APELA: variants seen among roughly 807,000 people sequenced by gnomAD.
The protein encoded by APELA is protein Elabela.
rs1730996357 is a variant in APELA, at chr4:164,897,288, G to T, written c.*1874G>T. 1 of 152,168 alleles carries T rather than the reference G, an allele frequency of 6.6e-6. No homozygotes were observed. Among genetic ancestry groups the T allele is most frequent in the African/African-American group, 2.4e-5 (1 of 41,444 alleles). 9.4% of individuals were successfully genotyped at this position (152,168 alleles called of 1,614,324 possible). A position where few individuals can be genotyped will look rare whatever the true frequency, so the allele number is the denominator to read the frequency against. On this transcript the variant is annotated 3_prime_UTR_variant, in exon 3 of 3. Coordinates refer to ENST00000507152, the MANE Select transcript of APELA (RefSeq NM_001297550.2). ...TGGTACTTTCCACAAGTGCATTTGA[G>T]TAGAAGCATAACCTATTCTCAGTTA...
chr4:164,890,088 A>T (rs1730851548), intron 2 of APELA, among the ~76,000 whole-genome samples: 2 of 152,138 alleles, frequency 1.3e-5, no homozygotes, highest in African/African-American at 4.8e-5. Flanking sequence ...TCTTGACTTT[A>T]TTGATCAATA....
At chr4:164,880,595 C>T (rs1308224676) in intron 2 of APELA, among the ~76,000 whole-genome samples, 2 of 152,172 alleles carry the variant, frequency 1.3e-5, no homozygotes. Context: ...GGAATAGAGA[C>T]ACCCCAGATT....
chr4:164,897,117 ATAT>A lies in APELA; in HGVS notation c.*1707_*1709del, dbSNP rs1241266337. 6.6e-6 allele frequency: 1 copy of A among 152,216 alleles called. No homozygotes were observed. Among genetic ancestry groups the A allele is most frequent in the African/African-American group, 2.4e-5 (1 of 41,456 alleles). The allele number at this position is 152,216 out of a possible 1,614,324, so 9.4% of individuals were successfully genotyped here. On this transcript the variant is annotated 3_prime_UTR_variant, in exon 3 of 3. Coordinates refer to ENST00000507152, the MANE Select transcript of APELA (RefSeq NM_001297550.2). Reference sequence around the variant, plus strand: ...CTGGAGTAGAAGTTTTACTTTGTAAATATTATAAAGTAGAAGAAACCATAAACC... The same window carrying A: ...CTGGAGTAGAAGTTTTACTTTGTAAATATAAAGTAGAAGAAACCATAAACC...
chr4:164,890,836 G>A (rs1730868504), intron 2 of APELA, among the ~76,000 whole-genome samples: 1 of 152,150 alleles, frequency 6.6e-6, no homozygotes, highest in Non-Finnish European at 1.5e-5. Flanking sequence ...CACAGTAGTG[G>A]CATCATTTCA....
In APELA at chr4:164,878,980, C is replaced by T. The variant is rs890975297; in HGVS notation, c.137C>T (p.Pro46Leu). The change falls in exon 2 of 3, where the codon CCT becomes CTT. Residue 46 changes from proline (P) to leucine (L), a missense_variant. By Grantham distance (98) the Pro-to-Leu change is moderately conservative (BLOSUM62 -3). Transcript: ENST00000507152. ...KHNCLQRRCM[P>L]LHSRVPFP ...AATTGCCTTCAGAGGAGATGTATGC[C>T]TCTCCATTCACGAGTACCCTTTCCC... The T allele has an allele frequency of 1.3e-5, 5 of 398,846 alleles. No individual in the cohort carries two copies. The highest frequency in any genetic ancestry group is 2.2e-5 in the Non-Finnish European group (5 of 226,022). The allele number at this position is 398,846 out of a possible 1,614,324, so 24.7% of individuals were successfully genotyped here.
At position 164,877,271 on chromosome 4, in the gene APELA, C is replaced by G; in HGVS notation, c.-61C>G. 3 of 398,648 alleles carry G rather than the reference C, an allele frequency of 7.5e-6. No individual in the cohort carries two copies. Among genetic ancestry groups the G allele is most frequent in the Non-Finnish European group, 1.3e-5 (3 of 225,772 alleles). 24.7% of individuals were successfully genotyped at this position (398,648 alleles called of 1,614,324 possible). A position where few individuals can be genotyped will look rare whatever the true frequency, so the allele number is the denominator to read the frequency against. On this transcript the variant is annotated 5_prime_UTR_variant, in exon 1 of 3. Transcript: ENST00000507152. ...GACAGCCACACAGATATTGCACAGA[C>G]TATTTACAGATCGTTTGGTTTACAT... is the stretch of plus-strand genomic sequence containing the variant.
At chr4:164,884,121 G>GAAAGAGAAAGAAAGAA (rs5863729) in intron 2 of APELA, among the ~76,000 whole-genome samples, 3 of 113,376 alleles carry the variant, frequency 2.6e-5, no homozygotes, top group South Asian at 2.9e-4. Context: ...AAGAAAGAAA[G>GAAAGAGAAAGAAAGAA]AGAAAGAAAG....
At position 164,895,649 on chromosome 4, in the gene APELA, A is replaced by T. The variant is rs1393914663; in HGVS notation, c.*235A>T. On this transcript the variant is annotated 3_prime_UTR_variant, in exon 3 of 3. Coordinates refer to ENST00000507152, the MANE Select transcript of APELA (RefSeq NM_001297550.2). ...ATAAATTCAAAAGGATTCCAATCTG[A>T]AGCCCAAATCGTTTGCCTACATAAC... is the stretch of plus-strand genomic sequence containing the variant. 6.6e-6 allele frequency: 1 copy of T among 152,242 alleles called. No individual in the cohort carries two copies. The highest frequency in any genetic ancestry group is 1.5e-5 in the Non-Finnish European group (1 of 68,046). The allele number at this position is 152,242 out of a possible 1,614,324, so 9.4% of individuals were successfully genotyped here.
chr4:164,880,020 C>T (rs1394744628), intron 2 of APELA, among the ~76,000 whole-genome samples: 2 of 152,168 alleles, frequency 1.3e-5, no homozygotes, highest in Non-Finnish European at 2.9e-5. Context: ...GTTTAAGTCA[C>T]TTCATACTAA....
downstream of APELA, chr4:164,898,586 TG>T (rs1371765444): frequency 6.6e-6 from 1 of 151,578 alleles, no homozygotes; most frequent in African/African-American, 2.4e-5. Flanking sequence ...TTGATCAAGA[TG>T]GTTAAGGGGA....
intron 2 of APELA, among the ~76,000 whole-genome samples, chr4:164,892,261 G>A (rs1217287826): frequency 1.3e-5 from 2 of 152,112 alleles, no homozygotes; most frequent in Admixed American, 6.6e-5. Flanking sequence ...AGTCAAGGCT[G>A]AGTGAGCTGT....
chr4:164,891,728 A>G (rs1394721386), intron 2 of APELA, among the ~76,000 whole-genome samples: 4 of 152,118 alleles, frequency 2.6e-5, no homozygotes, highest in African/African-American at 9.7e-5. Context: ...CACGTACAAG[A>G]TCACCTGCAA....
intron 2 of APELA, among the ~76,000 whole-genome samples, chr4:164,882,776 GT>G (rs1485357922): frequency 2.0e-5 from 3 of 151,816 alleles, no homozygotes; most frequent in African/African-American, 7.3e-5. Flanking sequence ...TCCCTGGTGT[GT>G]GATGTTCCCC....
Position 164,892,781 on chromosome 4 carries a change from T to C in APELA, c.*2-2635T>C, listed in dbSNP as rs114302075. The stretch of plus-strand genomic sequence containing the variant: ...TCTTAATTGCTAATTCGATCTTTTT[T>C]CTTGCTATATATCCATTTCAGATTT... On this transcript the variant is annotated intron_variant, in intron 2 of 2. Coordinates refer to ENST00000507152, the MANE Select transcript of APELA (RefSeq NM_001297550.2). 5.8e-3 allele frequency among the ~76,000 whole-genome samples: 890 copies of C among 152,334 alleles called. 7 individuals are homozygous for C. Among genetic ancestry groups the C allele is most frequent in the Non-Finnish European group, 8.9e-3 (605 of 68,016 alleles).
chr4:164,894,182 AG>A (rs1730930273), intron 2 of APELA, among the ~76,000 whole-genome samples: 1 of 152,058 alleles, frequency 6.6e-6, no homozygotes, highest in African/African-American at 2.4e-5. Flanking sequence ...AAAATTAGCC[AG>A]GTGTCGTGGC....
At chr4:164,889,173 T>C (rs1730834688) in intron 2 of APELA, among the ~76,000 whole-genome samples, 3 of 139,856 alleles carry the variant, frequency 2.1e-5, no homozygotes. Context: ...TCGGTGAGGG[T>C]GGGGTGGGAG....
chr4:164,882,650 G>T (rs1730675651), intron 2 of APELA, among the ~76,000 whole-genome samples: 1 of 151,926 alleles, frequency 6.6e-6, no homozygotes, highest in Middle Eastern at 3.4e-3. Flanking sequence ...CAACGTGCAG[G>T]TTTGTTACAT....
chr4:164,885,439 T>C (rs1373830173), intron 2 of APELA, among the ~76,000 whole-genome samples: 3 of 151,572 alleles, frequency 2.0e-5, no homozygotes, highest in Admixed American at 6.6e-5. Flanking sequence ...CCTCATAATG[T>C]TGCTAAAAGA....
intron 2 of APELA, among the ~76,000 whole-genome samples, chr4:164,881,371 C>T (rs539677684): frequency 3.2e-4 from 48 of 152,134 alleles, no homozygotes; most frequent in African/African-American, 1.1e-3. Flanking sequence ...CCAGATTAAC[C>T]CTTTATTAGA....
Sources: allele counts gnomAD v4.1 joint callset (sites outside exome capture counted in the v4.1 genomes callset), GRCh38; gene constraint gnomAD v4.1.1; transcripts MANE v1.5; gene names NCBI Gene and HGNC (gene_info 2026-07-23, HGNC 2026-07-21).